LRRTM4: variants seen among roughly 807,000 people sequenced by gnomAD.
LRRTM4 encodes the protein leucine rich repeat transmembrane neuronal 4.
In LRRTM4, 25 loss-of-function variants were observed where a neutral mutation model predicts 47.6. The observed-to-expected ratio is 0.53, with a 90% CI of 0.38 to 0.73. The LOEUF (loss-of-function observed/expected upper bound fraction) is 0.73, where lower values mean the gene tolerates loss of function less well. LRRTM4 is among the 30% of genes least tolerant of loss of function. LRRTM4 has a pLI of 0.00. For synonymous variants in LRRTM4, 311 were observed against 269.5 expected, an observed-to-expected ratio of 1.15 and a Z score of -1.51; for missense variants, 638 against 713.4, an observed-to-expected ratio of 0.89 and a Z score of 1.20.
intron 3 of LRRTM4, among the ~76,000 whole-genome samples, chr2:77,006,709 G>T (rs1311751318): frequency 3.3e-5 from 5 of 152,114 alleles, no homozygotes. Context: ...AGACTAGAAG[G>T]GTCTGGAATC....
chr2:77,237,021 G>A (rs1675120002), intron 3 of LRRTM4, among the ~76,000 whole-genome samples: 1 of 152,022 alleles, frequency 6.6e-6, no homozygotes, highest in African/African-American at 2.4e-5. Flanking sequence ...TTGGTAGCAA[G>A]ATGATGCTGG....
intron 3 of LRRTM4, among the ~76,000 whole-genome samples, chr2:77,152,789 C>A (rs921102620): frequency 6.6e-6 from 1 of 152,042 alleles, no homozygotes; most frequent in Non-Finnish European, 1.5e-5. Flanking sequence ...TTCTATTTAA[C>A]CCCCACCCTT....
intron 3 of LRRTM4, among the ~76,000 whole-genome samples, chr2:77,468,586 G>T (rs1011063824): frequency 1.3e-5 from 2 of 152,108 alleles, no homozygotes; most frequent in Non-Finnish European, 2.9e-5. Context: ...CATGTCAAGG[G>T]GCAGTCCCCA....
At chr2:76,956,972 T>TCATCA (rs1305842722) in intron 3 of LRRTM4, among the ~76,000 whole-genome samples, 1 of 151,706 alleles carries the variant, frequency 6.6e-6, no homozygotes, top group African/African-American at 2.4e-5. Flanking sequence ...AAGTTCATGT[T>TCATCA]CATCACAGCA....
At chr2:77,158,100 A>T (rs142119123) in intron 3 of LRRTM4, among the ~76,000 whole-genome samples, 1 of 152,200 alleles carries the variant, frequency 6.6e-6, no homozygotes, top group African/African-American at 2.4e-5. Flanking sequence ...ATGTCAGAAT[A>T]GTGATTACTT....
chr2:77,484,216 G>C (rs374033936), intron 3 of LRRTM4, among the ~76,000 whole-genome samples: 2 of 152,232 alleles, frequency 1.3e-5, no homozygotes, highest in Non-Finnish European at 2.9e-5. Flanking sequence ...TGGCCACTGG[G>C]TAACTAAGCA....
At chr2:76,942,491 ATTTT>A (rs59455803) in intron 3 of LRRTM4, among the ~76,000 whole-genome samples, 2 of 142,596 alleles carry the variant, frequency 1.4e-5, no homozygotes. Flanking sequence ...CTGTGCTAAC[ATTTT>A]TTTTTTTTTT....
chr2:76,807,425 C>CATATATACGTATATATATATATATACAT (rs1670531565), intron 3 of LRRTM4, among the ~76,000 whole-genome samples: 5 of 98,080 alleles, frequency 5.1e-5, no homozygotes, highest in Non-Finnish European at 9.3e-5. Context: ...TATATATATA[C>CATATATACGTATATATATATATATACAT]ATATATATAT....
At chr2:77,484,057 G>A (rs1329389081) in intron 3 of LRRTM4, among the ~76,000 whole-genome samples, 1 of 152,150 alleles carries the variant, frequency 6.6e-6, no homozygotes, top group Non-Finnish European at 1.5e-5. Context: ...ATTAGATAAA[G>A]GCATAGTGAA....
At chr2:77,073,454 A>G (rs1680229456) in intron 3 of LRRTM4, among the ~76,000 whole-genome samples, 1 of 152,060 alleles carries the variant, frequency 6.6e-6, no homozygotes, top group Non-Finnish European at 1.5e-5. Context: ...TTTCCAGTAC[A>G]GACATTTTCC....
Position 77,280,751 on chromosome 2 carries a change from TA to T in LRRTM4, c.1551+237566del, listed in dbSNP as rs1676487331. On this transcript the variant is annotated intron_variant, in intron 3 of 3. Transcript: ENST00000409884. ...AATTAAGAATGTTGGAGCATACATG[TA>T]AAGCATATGGCAGTGGCTTGCATAT... Among the ~76,000 whole-genome samples the T allele has an allele frequency of 2.0e-5, 3 of 152,018 alleles. 1 individual carries two copies. Among genetic ancestry groups the T allele is most frequent in the Non-Finnish European group, 2.9e-5 (2 of 67,964 alleles).
intron 3 of LRRTM4, among the ~76,000 whole-genome samples, chr2:76,964,864 T>G (rs1361142101): frequency 6.6e-6 from 1 of 150,740 alleles, no homozygotes; most frequent in Non-Finnish European, 1.5e-5. Context: ...CTAGGCCCTT[T>G]GTAATTTTCC....
intron 3 of LRRTM4, among the ~76,000 whole-genome samples, chr2:77,041,074 C>A (rs974053646): frequency 2.0e-5 from 3 of 151,416 alleles, no homozygotes; most frequent in Admixed American, 1.3e-4. Context: ...CTCCCCACAC[C>A]CTTCCTCCTT....
chr2:77,146,928 C>G (rs373292131), intron 3 of LRRTM4, among the ~76,000 whole-genome samples: 6 of 152,056 alleles, frequency 3.9e-5, no homozygotes, highest in Non-Finnish European at 8.8e-5. Flanking sequence ...TTAGAGGGAG[C>G]TAGTTTATCT....
At chr2:77,018,470 G>A (rs1348829) in intron 3 of LRRTM4, among the ~76,000 whole-genome samples, 37,106 of 151,516 alleles carry the variant, frequency 0.24, 4,729 homozygotes, top group East Asian at 0.41. Context: ...TTTTGCACTA[G>A]ACTGCTCTGT....
intron 3 of LRRTM4, among the ~76,000 whole-genome samples, chr2:76,915,196 G>C (rs974449897): frequency 2.0e-5 from 3 of 152,196 alleles, no homozygotes; most frequent in Non-Finnish European, 4.4e-5. Context: ...TGATTGGAGT[G>C]AGAGTAGTGA....
intron 3 of LRRTM4, among the ~76,000 whole-genome samples, chr2:77,448,797 C>T (rs1001086918): frequency 6.6e-6 from 1 of 151,984 alleles, no homozygotes; most frequent in African/African-American, 2.4e-5. Context: ...ATATTGTTTC[C>T]GCGTGTACCT....
intron 3 of LRRTM4, among the ~76,000 whole-genome samples, chr2:76,802,232 C>A (rs1392436261): frequency 2.0e-5 from 2 of 98,564 alleles, no homozygotes; most frequent in Non-Finnish European, 3.9e-5. Flanking sequence ...CCTAAAGACT[C>A]CACCAAAAAA....
chr2:77,470,532 T>C (rs925041537), intron 3 of LRRTM4, among the ~76,000 whole-genome samples: 29 of 152,156 alleles, frequency 1.9e-4, no homozygotes, highest in Admixed American at 1.2e-3. Flanking sequence ...GGTGAATCAG[T>C]TGAGTAAGCA....
Sources: allele counts gnomAD v4.1 joint callset (sites outside exome capture counted in the v4.1 genomes callset), GRCh38; gene constraint gnomAD v4.1.1; transcripts MANE v1.5; gene names NCBI Gene and HGNC (gene_info 2026-07-23, HGNC 2026-07-21).